The following GUCY1A1 variants were observed in gnomAD, a reference collection of about 807,000 sequenced individuals.
GUCY1A1 encodes the protein guanylate cyclase soluble subunit alpha-1.
Under a neutral mutation model 64.5 loss-of-function variants are expected in GUCY1A1, and 48 were observed. The observed-to-expected ratio is 0.74, with a 90% CI of 0.59 to 0.95. The LOEUF (loss-of-function observed/expected upper bound fraction) is 0.95, where lower values mean the gene tolerates loss of function less well. GUCY1A1 is among the 40% of genes least tolerant of loss of function. The pLI is 0.00. For missense variants in GUCY1A1, 804 were observed against 825.3 expected, an observed-to-expected ratio of 0.97 and a Z score of 0.32; for synonymous variants, 308 against 303.4, an observed-to-expected ratio of 1.02 and a Z score of -0.16.
intron 2 of GUCY1A1, among the ~76,000 whole-genome samples, chr4:155,694,545 T>A (rs1730178350): frequency 6.6e-6 from 1 of 152,200 alleles, no homozygotes; most frequent in African/African-American, 2.4e-5. Context: ...TATACTCGGT[T>A]TTCTACAACC....
intron 2 of GUCY1A1, among the ~76,000 whole-genome samples, chr4:155,677,456 A>G (rs1291933045): frequency 6.6e-6 from 1 of 152,224 alleles, no homozygotes; most frequent in Admixed American, 6.5e-5. Context: ...TAAGTATTGG[A>G]TAGCTATAAG....
At chr4:155,705,067 T>C (rs979142737) in intron 4 of GUCY1A1, among the ~76,000 whole-genome samples, 1 of 152,170 alleles carries the variant, frequency 6.6e-6, no homozygotes, top group African/African-American at 2.4e-5. Context: ...TTTTGGTTTT[T>C]GTTTTGTAGA....
At chr4:155,671,258 C>A (rs538360137) in intron 2 of GUCY1A1, among the ~76,000 whole-genome samples, 7 of 152,108 alleles carry the variant, frequency 4.6e-5, no homozygotes, top group South Asian at 4.1e-4. Context: ...ATTTATTTCA[C>A]CAACAATTTT....
chr4:155,708,755 C>T (rs184272769), intron 5 of GUCY1A1, among the ~76,000 whole-genome samples: 2 of 152,186 alleles, frequency 1.3e-5, no homozygotes, highest in East Asian at 3.9e-4. Flanking sequence ...ACATGAACCA[C>T]GAGGTTGCAT....
At chr4:155,684,457 G>A (rs1480506959) in intron 2 of GUCY1A1, among the ~76,000 whole-genome samples, 1 of 152,126 alleles carries the variant, frequency 6.6e-6, no homozygotes, top group Admixed American at 6.6e-5. Flanking sequence ...TATGACAAAA[G>A]TTCATTTCCT....
In GUCY1A1 at chr4:155,731,879, G is replaced by A. The variant is rs1374334383; in HGVS notation, c.*1648G>A. 1 of 151,630 alleles carries A rather than the reference G, an allele frequency of 6.6e-6. No individual in the cohort carries two copies. The highest frequency in any genetic ancestry group is 1.5e-5 in the Non-Finnish European group (1 of 67,814). 9.4% of individuals were successfully genotyped at this position (151,630 alleles called of 1,614,324 possible). A position where few individuals can be genotyped will look rare whatever the true frequency, so the allele number is the denominator to read the frequency against. ...ATTACAATGATGCTGTTTACTAAGT[G>A]ATAACCCCGTATCTTACAGGACTGA... On this transcript the variant is annotated 3_prime_UTR_variant, in exon 10 of 10. Coordinates refer to ENST00000506455, the MANE Select transcript of GUCY1A1 (RefSeq NM_001130682.3).
At chr4:155,694,466 T>G (rs1314959814) in intron 2 of GUCY1A1, among the ~76,000 whole-genome samples, 1 of 152,142 alleles carries the variant, frequency 6.6e-6, no homozygotes, top group African/African-American at 2.4e-5. Context: ...GAGGAGTGAC[T>G]AGAGGAGATG....
chr4:155,695,725 A>G (rs901130423), intron 2 of GUCY1A1, among the ~76,000 whole-genome samples: 3 of 152,204 alleles, frequency 2.0e-5, no homozygotes, highest in Admixed American at 1.3e-4. Context: ...GTGAGGATTA[A>G]TTGTAAACAT....
At chr4:155,685,802 A>G (rs1278238574) in intron 2 of GUCY1A1, among the ~76,000 whole-genome samples, 2 of 152,100 alleles carry the variant, frequency 1.3e-5, no homozygotes, top group Non-Finnish European at 2.9e-5. Context: ...GCTGGATTAG[A>G]AGAACTGTGA....
At chr4:155,679,056 T>C (rs1735330046) in intron 2 of GUCY1A1, among the ~76,000 whole-genome samples, 1 of 152,240 alleles carries the variant, frequency 6.6e-6, no homozygotes, top group Non-Finnish European at 1.5e-5. Flanking sequence ...CTTGCTGTTG[T>C]GTGTTACATA....
At chr4:155,708,782 G>A (rs1732147808) in intron 5 of GUCY1A1, among the ~76,000 whole-genome samples, 1 of 152,062 alleles carries the variant, frequency 6.6e-6, no homozygotes, top group Non-Finnish European at 1.5e-5. Flanking sequence ...AAAAGTATAA[G>A]ATATTGATAA....
chr4:155,713,673 A>G, intron 7 of GUCY1A1, 90 bp downstream of exon 7: 2 of 1,389,606 alleles, frequency 1.4e-6, no homozygotes, highest in Non-Finnish European at 2.0e-6. Flanking sequence ...AATGCAACTG[A>G]AAGGCCACCT....
chr4:155,685,628 C>CAA (rs1728900659), intron 2 of GUCY1A1, among the ~76,000 whole-genome samples: 1 of 88,798 alleles, frequency 1.1e-5, no homozygotes, highest in East Asian at 3.8e-4. Flanking sequence ...TTTTTTTTTT[C>CAA]TCTTTGCTGT....
At position 155,735,361 on chromosome 4, in the gene GUCY1A1, A is replaced by T. The variant is rs1735956115; in HGVS notation, c.*5130A>T. The T allele has an allele frequency of 6.6e-6, 1 of 151,988 alleles. No individual in the cohort carries two copies. The highest frequency in any genetic ancestry group is 2.4e-5 in the African/African-American group (1 of 41,418). The allele number at this position is 151,988 out of a possible 1,614,324, so 9.4% of individuals were successfully genotyped here. A position where few individuals can be genotyped will look rare whatever the true frequency, so the allele number is the denominator to read the frequency against. On this transcript the variant is annotated 3_prime_UTR_variant, in exon 10 of 10. Transcript: ENST00000506455. ...ATATTCTAAAAGCCACACTTCTTTT[A>T]TCACCAGTGCAGTTTTTTCCATCAT... is the stretch of plus-strand genomic sequence containing the variant.
rs1415732081 is a variant in GUCY1A1, at chr4:155,734,951, C to T, written c.*4720C>T. On this transcript the variant is annotated 3_prime_UTR_variant, in exon 10 of 10. Transcript: ENST00000506455. ...GCTTACAGTAACGGAGCCAATTAAT[C>T]CTTTGTCATCTTTGTTGAGTTTAGT... 2 of 151,890 alleles carry T rather than the reference C, an allele frequency of 1.3e-5. No homozygotes were observed. Among genetic ancestry groups the T allele is most frequent in the East Asian group, 3.9e-4 (2 of 5,152 alleles). The allele number at this position is 151,890 out of a possible 1,614,324, so 9.4% of individuals were successfully genotyped here.
chr4:155,724,378 T>C (rs1734380138), intron 9 of GUCY1A1, among the ~76,000 whole-genome samples: 1 of 152,158 alleles, frequency 6.6e-6, no homozygotes, highest in South Asian at 2.1e-4. Context: ...TGCTCTGTTT[T>C]ATAGCAAAAC....
chr4:155,728,809 C>T (rs1735116437), intron 9 of GUCY1A1, among the ~76,000 whole-genome samples: 2 of 151,808 alleles, frequency 1.3e-5, no homozygotes, highest in African/African-American at 4.8e-5. Flanking sequence ...CTATTATTAT[C>T]CCCATTTTAA....
chr4:155,694,584 A>G (rs1433781196), intron 2 of GUCY1A1, among the ~76,000 whole-genome samples: 1 of 152,194 alleles, frequency 6.6e-6, no homozygotes, highest in Non-Finnish European at 1.5e-5. Flanking sequence ...GGCTATGTTC[A>G]CAGTCTGCTT....
chr4:155,668,305 A>G (rs1345266640), intron 2 of GUCY1A1: 1 of 152,264 alleles, frequency 6.6e-6, no homozygotes, highest in African/African-American at 2.4e-5. Flanking sequence ...AACAGTTTAC[A>G]TCTTCTGAAG....
Sources: allele counts gnomAD v4.1 joint callset (sites outside exome capture counted in the v4.1 genomes callset), GRCh38; gene constraint gnomAD v4.1.1; transcripts MANE v1.5; gene names NCBI Gene and HGNC (gene_info 2026-07-23, HGNC 2026-07-21).